The following ZMYM2 variants were observed in gnomAD, a reference collection of about 807,000 sequenced individuals.
The protein encoded by ZMYM2 is zinc finger MYM-type containing 2.
In ZMYM2, 56 loss-of-function variants were observed where a neutral mutation model predicts 162.8. The ratio of observed to expected loss-of-function variants is 0.34; its 90% CI spans 0.28 to 0.43. The LOEUF is 0.43. ZMYM2 is among the 20% of genes least tolerant of loss of function. The pLI, the probability that ZMYM2 is intolerant of heterozygous loss-of-function variation, is 1.00. For missense variants in ZMYM2, 1,275 were observed against 1,621.8 expected (o/e 0.79, Z 3.67); for synonymous variants, 510 against 541.6 (o/e 0.94, Z 0.81).
intron 12 of ZMYM2, among the ~76,000 whole-genome samples, chr13:20,048,300 A>AT (rs1955004525): frequency 4.8e-5 from 7 of 145,174 alleles, no homozygotes; most frequent in South Asian, 2.2e-4. Context: ...TTTTTTTAAA[A>AT]TTTTTTTGAA....
chr13:19,882,865 CATT>C, the ZMYM2 span, among the ~76,000 whole-genome samples: 1 of 152,122 alleles, frequency 6.6e-6, no homozygotes, highest in African/African-American at 2.4e-5. Context: ...AAAAGATAAA[CATT>C]AATTATCTTT....
chr13:20,025,382 C>G (rs1566328073), intron 7 of ZMYM2: 2 of 184,796 alleles, frequency 1.1e-5, no homozygotes, highest in Non-Finnish European at 2.3e-5. Flanking sequence ...GAAGGCTAGC[C>G]TTTCGTTTTT....
the ZMYM2 span, among the ~76,000 whole-genome samples, chr13:19,917,744 A>G: frequency 6.6e-6 from 1 of 152,142 alleles, no homozygotes; most frequent in Non-Finnish European, 1.5e-5. Context: ...CTCCTAAGTC[A>G]CTATTCATGA....
In ZMYM2 at chr13:19,992,955, A is replaced by T. The variant is rs1418061910; in HGVS notation, c.-10-108A>T. 16 of 1,234,860 alleles carry T rather than the reference A, an allele frequency of 1.3e-5. No individual in the cohort carries two copies. In the Admixed American group the frequency reaches 2.2e-4, roughly 17 times the overall value. 76.5% of individuals were successfully genotyped at this position (1,234,860 alleles called of 1,614,324 possible). A position where few individuals can be genotyped will look rare whatever the true frequency, so the allele number is the denominator to read the frequency against. On this transcript the variant is annotated intron_variant, in intron 2 of 24. Transcript: ENST00000610343. ...CTGAATGTTAGACAAGAATCACTTC[A>T]TTTAGAATAAAAATAAAATAAAAGT...
At chr13:19,923,444 A>T in the ZMYM2 span, among the ~76,000 whole-genome samples, 1 of 146,668 alleles carries the variant, frequency 6.8e-6, no homozygotes, top group Non-Finnish European at 1.5e-5. Flanking sequence ...TTATTCATTG[A>T]TTTGTAATTC....
At chr13:19,974,210 G>A (rs113262610) in intron 2 of ZMYM2, among the ~76,000 whole-genome samples, 169 of 152,268 alleles carry the variant, frequency 1.1e-3, no homozygotes, top group African/African-American at 3.6e-3. Flanking sequence ...TTCCCTAGAG[G>A]CAAACCACTG....
At chr13:20,063,075 AT>A in intron 18 of ZMYM2, 104 bp downstream of exon 18, 1 of 1,294,074 alleles carries the variant, frequency 7.7e-7, no homozygotes, top group South Asian at 1.7e-5. Flanking sequence ...CAGTGTTCAT[AT>A]TTTTTATTCT....
chr13:19,939,929 A>G, the ZMYM2 span, among the ~76,000 whole-genome samples: 1 of 152,228 alleles, frequency 6.6e-6, no homozygotes, highest in Non-Finnish European at 1.5e-5. Context: ...GTGGACTACT[A>G]CACAACAGTG....
At chr13:19,880,798 G>C in the ZMYM2 span, among the ~76,000 whole-genome samples, 1 of 152,110 alleles carries the variant, frequency 6.6e-6, no homozygotes, top group African/African-American at 2.4e-5. Flanking sequence ...ACTGACTTTT[G>C]CATGTTGACT....
intron 3 of ZMYM2, among the ~76,000 whole-genome samples, chr13:19,998,135 G>A (rs1446534482): frequency 6.6e-6 from 1 of 152,128 alleles, no homozygotes; most frequent in East Asian, 1.9e-4. Context: ...AGAGAATAAT[G>A]GATGAAGAGC....
chr13:20,067,219 T>C lies in ZMYM2; in HGVS notation c.3302-20T>C, dbSNP rs1956748944. The C allele has an allele frequency of 6.6e-7, 1 of 1,515,762 alleles. No homozygotes were observed. Among genetic ancestry groups the C allele is most frequent in the Non-Finnish European group, 8.9e-7 (1 of 1,125,610 alleles). The allele number at this position is 1,515,762 out of a possible 1,614,324, so 93.9% of individuals were successfully genotyped here. On this transcript the variant is annotated intron_variant, in intron 20 of 24. Transcript: ENST00000610343. ...AGACGCTAAATAATAACAATTATTT[T>C]TTATTTTATGTATTTTTAGCTAAAT...
At position 20,087,803 on chromosome 13, in the gene ZMYM2, A is replaced by G. The variant is rs1452912413; in HGVS notation, c.*1789A>G. 1 of 187,314 alleles carries G rather than the reference A, an allele frequency of 5.3e-6. No individual in the cohort carries two copies. The highest frequency in any genetic ancestry group is 2.3e-5 in the African/African-American group (1 of 42,818). 11.6% of individuals were successfully genotyped at this position (187,314 alleles called of 1,614,324 possible). The stretch of plus-strand genomic sequence containing the variant: ...TACTAAAATAGATTGCTGATTGTCT[A>G]TTTAACGAAGACAAGTGGGTAACAT... On this transcript the variant is annotated 3_prime_UTR_variant, in exon 25 of 25. Coordinates refer to ENST00000610343, the MANE Select transcript of ZMYM2 (RefSeq NM_197968.4).
chr13:20,001,952 C>A (rs373184323), intron 3 of ZMYM2, among the ~76,000 whole-genome samples: 2 of 151,944 alleles, frequency 1.3e-5, no homozygotes, highest in Non-Finnish European at 2.9e-5. Flanking sequence ...TTTGTGAAAC[C>A]AAAAAAATTC....
intron 3 of ZMYM2, among the ~76,000 whole-genome samples, chr13:19,998,011 C>T (rs1950144136): frequency 6.6e-6 from 1 of 152,132 alleles, no homozygotes; most frequent in African/African-American, 2.4e-5. Flanking sequence ...GAGACCGTAA[C>T]ATAAGAATTG....
chr13:20,058,919 A>C (rs1956018858), intron 15 of ZMYM2: 1 of 695,058 alleles, frequency 1.4e-6, no homozygotes, highest in African/African-American at 1.8e-5. Flanking sequence ...CCTAGAATAC[A>C]AATTATGTCA....
chr13:20,006,323 C>A, intron 5 of ZMYM2, 51 bp from the exon 6 acceptor site: 1 of 1,482,314 alleles, frequency 6.7e-7, no homozygotes, highest in Non-Finnish European at 9.1e-7. Context: ...TATTATTTAG[C>A]TACTTGTCAG....
At chr13:20,065,221 G>GAA (rs755865438) in intron 19 of ZMYM2, among the ~76,000 whole-genome samples, 8 of 151,438 alleles carry the variant, frequency 5.3e-5, no homozygotes, top group Non-Finnish European at 1.2e-4. Flanking sequence ...CCAAAAGAAA[G>GAA]AAAAAAAACC....
intron 2 of ZMYM2, among the ~76,000 whole-genome samples, chr13:19,979,521 C>T (rs946082092): frequency 1.3e-5 from 2 of 149,302 alleles, no homozygotes; most frequent in African/African-American, 2.5e-5. Context: ...ACTGACCTGA[C>T]AAAAATTTCC....
At chr13:19,908,328 C>T in the ZMYM2 span, among the ~76,000 whole-genome samples, 3 of 151,730 alleles carry the variant, frequency 2.0e-5, no homozygotes, top group South Asian at 2.1e-4. Context: ...GATGGTTTCA[C>T]GGTGAGCCAG....
Sources: allele counts gnomAD v4.1 joint callset (sites outside exome capture counted in the v4.1 genomes callset), GRCh38; gene constraint gnomAD v4.1.1; transcripts MANE v1.5; gene names NCBI Gene and HGNC (gene_info 2026-07-23, HGNC 2026-07-21).